Variants in MYOF observed in about 807,000 individuals in gnomAD.
The protein encoded by MYOF is fer-1-like 3, myoferlin.
MYOF carries 244 observed loss-of-function variants against 284.2 expected under a neutral mutation model. That is an observed-to-expected ratio of 0.86 (90% CI 0.77 to 0.95). MYOF has a LOEUF of 0.95. Ranked by LOEUF, MYOF falls within the 40% of genes least tolerant of loss-of-function variation. MYOF has a pLI of 0.00. For missense variants in MYOF, 2,496 were observed against 2,560.6 expected (o/e 0.97, Z 0.54); for synonymous variants, 904 against 919.7 (o/e 0.98, Z 0.31).
intron 12 of MYOF, among the ~76,000 whole-genome samples, chr10:93,401,077 T>C (rs1282060202): frequency 1.3e-5 from 2 of 152,072 alleles, no homozygotes; most frequent in Non-Finnish European, 2.9e-5. Context: ...ATAATAACAG[T>C]TCACATTTTC....
Position 93,351,755 on chromosome 10 carries a change from T to C in MYOF, c.3573A>G (p.Ile1191Met), listed in dbSNP as rs1844527484. 2 of 1,600,606 alleles carry C rather than the reference T, an allele frequency of 1.2e-6. No homozygotes were observed. The highest frequency in any genetic ancestry group is 4.5e-5 in the East Asian group (2 of 44,838). The part of the protein sequence containing the change: ...TLNPTWDQTI[I>M]FDEVEIYGEP... ...CCCCATAGATTTCAACTTCATCGAA[T>C]ATAATTGTTTGGTCCCACGTGGGAT... Residue 1191 changes from isoleucine (I) to methionine (M), a missense_variant, in exon 33 of 54, where the codon ATA becomes ATG. Around this residue, in one of 3 missense-constraint regions of MYOF, gnomAD observed 2,436 missense variants for 2,480.7 expected, o/e 0.98. Transcript: ENST00000359263.
chr10:93,395,046 A>C (rs1846934960), intron 16 of MYOF, among the ~76,000 whole-genome samples: 2 of 152,056 alleles, frequency 1.3e-5, no homozygotes, highest in African/African-American at 2.4e-5. Flanking sequence ...TGAGTTGCCC[A>C]AGATAAAATT....
intron 2 of MYOF, among the ~76,000 whole-genome samples, chr10:93,455,989 A>G (rs1404195263): frequency 1.3e-5 from 2 of 152,238 alleles, no homozygotes; most frequent in East Asian, 3.8e-4. Flanking sequence ...GAAAATATTA[A>G]ACACTGAACC....
rs957170727 is a variant in MYOF, at chr10:93,461,721, G to A, written c.89-4784C>T. 3.3e-5 allele frequency among the ~76,000 whole-genome samples: 5 copies of A among 152,104 alleles called. No homozygotes were observed. In the East Asian group the frequency reaches 5.8e-4, roughly 18 times the overall value. ...GCATAGAACTGGGTAGGGGGCAAAC[G>A]GGCTTTGTGGGAAGGTTATGGTCTC... On this transcript the variant is annotated intron_variant, in intron 1 of 53. Transcript: ENST00000359263.
chr10:93,395,433 A>T (rs1846954678), intron 16 of MYOF, among the ~76,000 whole-genome samples: 1 of 152,150 alleles, frequency 6.6e-6, no homozygotes, highest in Non-Finnish European at 1.5e-5. Flanking sequence ...ACAGAGCGAG[A>T]CTCTATCTCA....
rs550776782 is a variant in MYOF at position 93,329,655 on chromosome 10, G to A, written c.4982+9C>T. 1.8e-5 allele frequency: 29 copies of A among 1,613,396 alleles called. No homozygotes were observed. Among genetic ancestry groups the A allele is most frequent in the Non-Finnish European group, 2.4e-5 (28 of 1,180,004 alleles). On this transcript the variant is annotated intron_variant, in intron 44 of 53. Transcript: ENST00000359263. Reference sequence around the variant, plus strand: ...GCAAAGTGCCTCTTGTACAGTCAAAGCAACTTACACACAGTACTCCTCTGG... The same window carrying A: ...GCAAAGTGCCTCTTGTACAGTCAAAACAACTTACACACAGTACTCCTCTGG...
At chr10:93,400,353 C>G (rs1293370121) in intron 12 of MYOF, among the ~76,000 whole-genome samples, 1 of 138,810 alleles carries the variant, frequency 7.2e-6, no homozygotes, top group Admixed American at 7.6e-5. Flanking sequence ...TAAATAGAGA[C>G]AGTAGTCTTG....
rs1236023869 is a variant in MYOF at position 93,447,262 on chromosome 10, C to T, written c.236+4788G>A. Among the ~76,000 whole-genome samples, 5 of 152,166 alleles carry T rather than the reference C, an allele frequency of 3.3e-5. No homozygotes were observed. In the South Asian group the frequency reaches 6.2e-4, roughly 19 times the overall value. The stretch of plus-strand genomic sequence containing the variant: ...GATTGTCTCTCTTAGCTGAAAGAGC[C>T]AGACAGACTCCATTTTAGTTCCTTC... On this transcript the variant is annotated intron_variant, in intron 3 of 53. Transcript: ENST00000359263.
At chr10:93,451,051 T>C (rs911751245) in intron 3 of MYOF, among the ~76,000 whole-genome samples, 3 of 152,114 alleles carry the variant, frequency 2.0e-5, no homozygotes, top group Non-Finnish European at 4.4e-5. Flanking sequence ...TTTTAAGTAT[T>C]AGTATCAGCT....
chr10:93,475,372 T>G (rs931086606), intron 1 of MYOF, among the ~76,000 whole-genome samples: 3 of 152,190 alleles, frequency 2.0e-5, no homozygotes, highest in Non-Finnish European at 4.4e-5. Flanking sequence ...CAGCTTCATA[T>G]TTTCCTTGCC....
intron 23 of MYOF, 30 bp downstream of exon 23, chr10:93,374,732 AG>A: frequency 6.3e-7 from 1 of 1,593,288 alleles, no homozygotes; most frequent in Non-Finnish European, 8.6e-7. Context: ...CTTCCATATC[AG>A]GTGACGTTTG....
At chr10:93,404,346 G>A in intron 7 of MYOF, 127 bp from the exon 8 acceptor site, 1 of 901,498 alleles carries the variant, frequency 1.1e-6, no homozygotes, top group Non-Finnish European at 1.7e-6. Context: ...GTTTGACCAT[G>A]TGAACACATG....
chr10:93,306,904 C>A lies in MYOF; in HGVS notation c.*59G>T. 6.4e-7 allele frequency: 1 copy of A among 1,553,462 alleles called. No individual in the cohort carries two copies. The highest frequency in any genetic ancestry group is 1.1e-5 in the South Asian group (1 of 89,444). On this transcript the variant is annotated 3_prime_UTR_variant, in exon 54 of 54. Transcript: ENST00000359263. ...ACACAAAATCACACTGGATGTTGGT[C>A]TACAGAGGCAGGATTCTCTCATTGC...
chr10:93,399,906 A>G (rs544840359), intron 12 of MYOF, among the ~76,000 whole-genome samples: 71 of 152,106 alleles, frequency 4.7e-4, no homozygotes, highest in Non-Finnish European at 9.1e-4. Context: ...GTGTGGTGGC[A>G]CATGCCTGTA....
At chr10:93,358,835 G>C (rs954953331) in intron 29 of MYOF, among the ~76,000 whole-genome samples, 1 of 152,112 alleles carries the variant, frequency 6.6e-6, no homozygotes, top group African/African-American at 2.4e-5. Context: ...GCTAATGCAT[G>C]CTGGGTTTAA....
chr10:93,435,496 GT>G (rs1177538561), intron 3 of MYOF, among the ~76,000 whole-genome samples: 10 of 152,312 alleles, frequency 6.6e-5, no homozygotes, highest in African/African-American at 2.2e-4. Flanking sequence ...ATAACTCTGT[GT>G]CCCCACTTTC....
intron 3 of MYOF, among the ~76,000 whole-genome samples, chr10:93,440,671 A>C (rs2056222132): frequency 6.6e-6 from 1 of 152,200 alleles, no homozygotes; most frequent in African/African-American, 2.4e-5. Flanking sequence ...GGCATGAATA[A>C]ATTAGCTGAT....
chr10:93,333,166 A>G (rs1843413992), intron 43 of MYOF, 55 bp downstream of exon 43: 9 of 1,426,544 alleles, frequency 6.3e-6, no homozygotes, highest in Non-Finnish European at 8.9e-6. Flanking sequence ...TAGAGTCTTC[A>G]TGCATGTTCC....
intron 19 of MYOF, among the ~76,000 whole-genome samples, chr10:93,387,230 G>A (rs867012753): frequency 1.8e-4 from 27 of 152,234 alleles, no homozygotes; most frequent in African/African-American, 6.0e-4. Context: ...CAGCTGGGGG[G>A]CTGGCGGTGA....
Sources: allele counts gnomAD v4.1 joint callset (sites outside exome capture counted in the v4.1 genomes callset), GRCh38; gene constraint gnomAD v4.1.1; regional missense constraint gnomAD v4.1.1; transcripts MANE v1.5; gene names NCBI Gene and HGNC (gene_info 2026-07-23, HGNC 2026-07-21).